Variants in DMXL1 observed in about 807,000 individuals in gnomAD.
The protein encoded by DMXL1 is dmX-like protein 1.
DMXL1 carries 99 observed loss-of-function variants against 319.2 expected under a neutral mutation model. The observed-to-expected ratio is 0.31, with a 90% CI of 0.26 to 0.37. The LOEUF is 0.37. Among genes scored for constraint, DMXL1 ranks in the 10% least tolerant of loss-of-function variants. DMXL1 has a pLI of 1.00. For missense variants in DMXL1, 3,745 were observed against 3,595.6 expected, an observed-to-expected ratio of 1.04 and a Z score of -1.06; for synonymous variants, 1,385 against 1,235.2, an observed-to-expected ratio of 1.12 and a Z score of -2.54.
intron 16 of DMXL1, 113 bp downstream of exon 16, chr5:119,147,069 T>A: frequency 8.0e-7 from 1 of 1,247,686 alleles, no homozygotes. Flanking sequence ...TAAATGGTGA[T>A]AACTGTAGAT....
intron 1 of DMXL1, among the ~76,000 whole-genome samples, chr5:119,097,678 C>A (rs1220041196): frequency 6.6e-6 from 1 of 152,174 alleles, no homozygotes; most frequent in Non-Finnish European, 1.5e-5. Flanking sequence ...GATTGCGCCA[C>A]TGCACTCCAG....
chr5:119,111,401 A>G (rs902514701), intron 5 of DMXL1, among the ~76,000 whole-genome samples: 8 of 152,252 alleles, frequency 5.3e-5, no homozygotes, highest in Non-Finnish European at 1.0e-4. Flanking sequence ...AAATATGTTG[A>G]AATGATGTTT....
chr5:119,146,986 C>T, intron 16 of DMXL1, 30 bp downstream of exon 16: 1 of 1,606,374 alleles, frequency 6.2e-7, no homozygotes, highest in South Asian at 1.1e-5. Context: ...GTTTGTGCAA[C>T]TTTAATAGGT....
chr5:119,079,599 T>C (rs573578818), intron 1 of DMXL1, among the ~76,000 whole-genome samples: 24 of 152,248 alleles, frequency 1.6e-4, no homozygotes, highest in Non-Finnish European at 2.9e-4. Flanking sequence ...GGCAGCTTTT[T>C]TCTCCTTAGT....
intron 10 of DMXL1, 76 bp from the exon 11 acceptor site, chr5:119,133,056 C>A: frequency 6.5e-7 from 1 of 1,527,232 alleles, no homozygotes; most frequent in South Asian, 1.3e-5. Flanking sequence ...TTCAGCTATC[C>A]AGAAGCTCGG....
chr5:119,197,742 GT>G lies in DMXL1; in HGVS notation c.7544-11del, dbSNP rs1284398379. On this transcript the variant is annotated splice_polypyrimidine_tract_variant and intron_variant, in intron 31 of 43. Coordinates refer to ENST00000539542, the MANE Select transcript of DMXL1 (RefSeq NM_001290321.3). ...CTGCATAAGATTAATATGAGTCAAT[GT>G]TCCCATTTTAGAGCTTCCAGTTAGT... The G allele has an allele frequency of 6.2e-7, 1 of 1,611,928 alleles. No individual in the cohort carries two copies. Among genetic ancestry groups the G allele is most frequent in the African/African-American group, 1.3e-5 (1 of 74,662 alleles).
At chr5:119,203,234 T>G in intron 32 of DMXL1, 85 bp from the exon 33 acceptor site, 1 of 847,044 alleles carries the variant, frequency 1.2e-6, no homozygotes, top group Non-Finnish European at 1.8e-6. Flanking sequence ...TAATTTATTA[T>G]AATTTATATG....
At chr5:119,230,326 G>A (rs1312408964) in intron 38 of DMXL1, among the ~76,000 whole-genome samples, 15 of 152,116 alleles carry the variant, frequency 9.9e-5, no homozygotes, top group Admixed American at 9.8e-4. Context: ...CACATCAGAT[G>A]AACTTGAAAA....
chr5:119,105,138 T>C (rs1453546885), intron 3 of DMXL1, 42 bp from the exon 4 acceptor site: 1 of 1,268,598 alleles, frequency 7.9e-7, no homozygotes, highest in Non-Finnish European at 1.2e-6. Flanking sequence ...ACAGAGAAAA[T>C]ATGCCAATCA....
At position 119,166,621 on chromosome 5, in the gene DMXL1, A is replaced by T; in HGVS notation, c.4976A>T (p.Glu1659Val). Reference protein sequence around the residue: ...KAVIWGLYRAEKNTRMTQFFG... With the variant: ...KAVIWGLYRAVKNTRMTQFFG... ...CCATTTTTTTTCCTTTATAGAGCTG[A>T]AAAAAACACCAGGATGACACAGTTT... The change falls in exon 22 of 44, where the codon GAA becomes GTA. Residue 1659 changes from glutamate (E) to valine (V), a missense_variant. Physicochemically the swap from Glu to Val is moderately radical, Grantham distance 121. Transcript: ENST00000539542. The T allele has an allele frequency of 6.2e-7, 1 of 1,604,134 alleles. No homozygotes were observed. Among genetic ancestry groups the T allele is most frequent in the Non-Finnish European group, 8.5e-7 (1 of 1,177,260 alleles).
rs557567916 is a variant in DMXL1, at chr5:119,073,540, A to G, written c.87+1884A>G. Among the ~76,000 whole-genome samples, 8 of 152,328 alleles carry G rather than the reference A, an allele frequency of 5.3e-5. No individual in the cohort carries two copies. The East Asian group carries it at 1.5e-3, about 29-fold the overall frequency. ...GTTAATGTGCCGAGGAGGATTAGATAGATGGTCATCCTGTACCATCATGTA... is the reference window on the plus strand; with the variant it reads ...GTTAATGTGCCGAGGAGGATTAGATGGATGGTCATCCTGTACCATCATGTA... On this transcript the variant is annotated intron_variant, in intron 1 of 43. Coordinates refer to ENST00000539542, the MANE Select transcript of DMXL1 (RefSeq NM_001290321.3).
chr5:119,114,595 C>T, intron 6 of DMXL1, 54 bp downstream of exon 6: 1 of 1,115,212 alleles, frequency 9.0e-7, no homozygotes, highest in Admixed American at 2.2e-5. Flanking sequence ...TACTTTGAAA[C>T]TTTAAAAACA....
At chr5:119,244,257 G>T in intron 42 of DMXL1, 102 bp from the exon 43 acceptor site, 4 of 810,060 alleles carry the variant, frequency 4.9e-6, no homozygotes, top group Non-Finnish European at 7.8e-6. Flanking sequence ...ATTGTTTCAG[G>T]CAGGATTGCA....
intron 19 of DMXL1, among the ~76,000 whole-genome samples, chr5:119,152,395 A>G (rs189189848): frequency 2.6e-5 from 4 of 152,246 alleles, no homozygotes; most frequent in Admixed American, 2.0e-4. Flanking sequence ...TTTCCACCAA[A>G]CATTGAATAA....
intron 2 of DMXL1, 133 bp downstream of exon 2, chr5:119,098,237 T>C (rs554411539): frequency 3.4e-4 from 362 of 1,054,834 alleles, no homozygotes; most frequent in Non-Finnish European, 4.5e-4. Context: ...GAAGAATTTT[T>C]GGCTGTCTAA....
chr5:119,104,209 A>C (rs1018996538), intron 3 of DMXL1: 5 of 152,126 alleles, frequency 3.3e-5, no homozygotes, highest in African/African-American at 1.2e-4. Context: ...CTGCTCTGGG[A>C]ATTTCTACAT....
rs1765336981 is a variant in DMXL1, at chr5:119,133,341, G to C, written c.1525G>C (p.Asp509His). 1 of 1,613,674 alleles carries C rather than the reference G, an allele frequency of 6.2e-7. No individual in the cohort carries two copies. Among genetic ancestry groups the C allele is most frequent in the African/African-American group, 1.3e-5 (1 of 74,934 alleles). Residue 509 changes from aspartate (D) to histidine (H), a missense_variant, in exon 11 of 44, where the codon GAT becomes CAT. Around this residue, in one of 4 missense-constraint regions of DMXL1, gnomAD observed 2,096 missense variants for 1,985.4 expected, o/e 1.06. Coordinates refer to ENST00000539542, the MANE Select transcript of DMXL1 (RefSeq NM_001290321.3). ...MDGSLLVWHV[D>H]WLDEYQPGMF... ...TGGTTCTTTGCTAGTTTGGCATGTG[G>C]ATTGGCTGGATGAATACCAGCCTGG... is the stretch of plus-strand genomic sequence containing the variant.
intron 41 of DMXL1, among the ~76,000 whole-genome samples, chr5:119,240,001 G>C (rs1167562338): frequency 2.0e-5 from 3 of 151,688 alleles, no homozygotes; most frequent in Non-Finnish European, 4.4e-5. Context: ...GAGCATGTTG[G>C]CTCATGCCTG....
chr5:119,217,666 A>G (rs1783917079), intron 35 of DMXL1, among the ~76,000 whole-genome samples: 1 of 152,140 alleles, frequency 6.6e-6, no homozygotes, highest in Non-Finnish European at 1.5e-5. Flanking sequence ...CCTAAAGGAG[A>G]TATTGTATAC....
Sources: allele counts gnomAD v4.1 joint callset (sites outside exome capture counted in the v4.1 genomes callset), GRCh38; gene constraint gnomAD v4.1.1; regional missense constraint gnomAD v4.1.1; transcripts MANE v1.5; gene names NCBI Gene and HGNC (gene_info 2026-07-23, HGNC 2026-07-21).